The following PHTF2 variants were observed in gnomAD, a reference collection of about 807,000 sequenced individuals.
PHTF2 encodes the protein protein PHTF2.
In PHTF2, 60 loss-of-function variants were observed where a neutral mutation model predicts 101.2. That is an observed-to-expected ratio of 0.59 (90% confidence interval 0.48 to 0.73). PHTF2 has a LOEUF of 0.73. PHTF2 is among the 30% of genes least tolerant of loss of function. The pLI is 0.00. For synonymous variants in PHTF2, 311 were observed against 307.3 expected, an observed-to-expected ratio of 1.01 and a Z score of -0.13; for missense variants, 747 against 908.7, an observed-to-expected ratio of 0.82 and a Z score of 2.29.
rs374990667 is a variant in PHTF2, at chr7:77,859,421, A to G, written c.147+4587A>G. The stretch of plus-strand genomic sequence containing the variant: ...CACCAGTGAAGAACTGAGTAAGAGA[A>G]GGTCAGGATCCCAAATATTTTCTTC... On this transcript the variant is annotated intron_variant, in intron 3 of 19. Transcript: ENST00000416283. Among the ~76,000 whole-genome samples the G allele has an allele frequency of 4.6e-5, 7 of 152,300 alleles. No individual in the cohort carries two copies. In the East Asian group the frequency reaches 1.3e-3, roughly 29 times the overall value.
chr7:77,895,400 G>C (rs1800790761), intron 5 of PHTF2, among the ~76,000 whole-genome samples: 1 of 152,038 alleles, frequency 6.6e-6, no homozygotes, highest in South Asian at 2.1e-4. Flanking sequence ...AAATAGTATG[G>C]AGAGAGTATG....
intron 3 of PHTF2, among the ~76,000 whole-genome samples, chr7:77,890,250 G>A (rs1160508238): frequency 6.6e-6 from 1 of 152,042 alleles, no homozygotes. Context: ...GCTTCACTGT[G>A]GAGTTTCTTA....
intron 3 of PHTF2, among the ~76,000 whole-genome samples, chr7:77,855,262 T>G (rs1797083903): frequency 1.3e-5 from 2 of 152,232 alleles, no homozygotes; most frequent in South Asian, 4.1e-4. Flanking sequence ...AAGTGTTGTC[T>G]GAGAGCTACA....
chr7:77,929,401 G>T, intron 12 of PHTF2, 74 bp downstream of exon 11: 1 of 737,894 alleles, frequency 1.4e-6, no homozygotes, highest in Non-Finnish European at 2.3e-6. Flanking sequence ...TGTTACAGAG[G>T]TGAAGAAAAA....
exon 20 of PHTF2, chr7:77,955,613 T>A (rs974084617): frequency 3.3e-5 from 5 of 152,632 alleles, no homozygotes; most frequent in Non-Finnish European, 5.9e-5. Context: ...AATTGTTACT[T>A]TTAATGCGTA....
intron 3 of PHTF2, among the ~76,000 whole-genome samples, chr7:77,879,266 G>A (rs1476281904): frequency 6.6e-6 from 1 of 152,144 alleles, no homozygotes; most frequent in Non-Finnish European, 1.5e-5. Flanking sequence ...AGTGTTACTA[G>A]CATTGAGGGC....
At chr7:77,896,852 A>G (rs1241765858) in intron 5 of PHTF2, among the ~76,000 whole-genome samples, 1 of 152,214 alleles carries the variant, frequency 6.6e-6, no homozygotes, top group Non-Finnish European at 1.5e-5. Context: ...TTCTTTCATT[A>G]GTTGTCAAAG....
intron 1 of PHTF2, among the ~76,000 whole-genome samples, chr7:77,839,763 G>C (rs1327157277): frequency 1.3e-5 from 2 of 152,014 alleles, no homozygotes; most frequent in African/African-American, 4.8e-5. Context: ...TCAGTTTTGT[G>C]TTTACTGAGT....
At position 77,852,728 on chromosome 7, in the gene PHTF2, C is replaced by G. The variant is rs142049541; in HGVS notation, c.46-2005C>G. On this transcript the variant is annotated intron_variant, in intron 2 of 19. Coordinates refer to ENST00000416283, the Ensembl canonical transcript of PHTF2. ...TTCTTATTGCTTTTTAACCTCCTTTCAGATTGAAGAACTCCCTTTAGCATT... is the reference window on the plus strand; with the variant it reads ...TTCTTATTGCTTTTTAACCTCCTTTGAGATTGAAGAACTCCCTTTAGCATT... 9.9e-4 allele frequency among the ~76,000 whole-genome samples: 150 copies of G among 152,270 alleles called. 1 individual carries two copies. Among genetic ancestry groups the G allele is most frequent in the African/African-American group, 3.4e-3 (141 of 41,552 alleles).
rs567500610 is a variant in PHTF2, at chr7:77,893,580, C to T, written c.148-28C>T. On this transcript the variant is annotated intron_variant, in intron 3 of 19. Transcript: ENST00000416283. ...CTATTTGATGGGTACCAGCAATGACCATTTAATGTAGTGTCTTCTTTTCAT... is the reference window on the plus strand; with the variant it reads ...CTATTTGATGGGTACCAGCAATGACTATTTAATGTAGTGTCTTCTTTTCAT... The T allele has an allele frequency of 5.0e-6, 5 of 1,009,052 alleles. No individual in the cohort carries two copies. In the East Asian group the frequency reaches 9.9e-5, roughly 20 times the overall value. 62.5% of individuals were successfully genotyped at this position (1,009,052 alleles called of 1,614,324 possible).
chr7:77,934,641 T>C (rs1194753656), intron 12 of PHTF2, among the ~76,000 whole-genome samples: 4 of 152,260 alleles, frequency 2.6e-5, no homozygotes, highest in African/African-American at 9.6e-5. Flanking sequence ...TTTTAAGTTC[T>C]AAATTTTAGT....
chr7:77,909,668 A>G (rs1473019616), intron 8 of PHTF2: 1 of 152,458 alleles, frequency 6.6e-6, no homozygotes, highest in Non-Finnish European at 1.5e-5. Flanking sequence ...ACACCTGGCC[A>G]CTAAATTCTG....
At chr7:77,869,143 A>C (rs1366554762) in intron 3 of PHTF2, among the ~76,000 whole-genome samples, 3 of 152,182 alleles carry the variant, frequency 2.0e-5, no homozygotes, top group Non-Finnish European at 2.9e-5. Context: ...TCAGTTTTTA[A>C]ATTTTTAATT....
chr7:77,827,423 C>T (rs141441255), intron 1 of PHTF2, among the ~76,000 whole-genome samples: 2,044 of 152,230 alleles, frequency 0.013, 50 homozygotes, highest in African/African-American at 0.046. Context: ...GGTGCAGTCT[C>T]GGCTCATCGT....
intron 2 of PHTF2, among the ~76,000 whole-genome samples, chr7:77,851,244 C>A (rs56364559): frequency 0.21 from 32,405 of 152,040 alleles, 3,857 homozygotes; most frequent in South Asian, 0.29. Flanking sequence ...CTGGGCTTTT[C>A]TTTGCTGGGG....
At chr7:77,866,502 C>A (rs936852043) in intron 3 of PHTF2, among the ~76,000 whole-genome samples, 1 of 151,790 alleles carries the variant, frequency 6.6e-6, no homozygotes, top group Admixed American at 6.6e-5. Context: ...TAACAAGTTA[C>A]GTAAAAGAGT....
At chr7:77,902,175 AAAAC>A (rs1210667905) in intron 7 of PHTF2, among the ~76,000 whole-genome samples, 3 of 152,210 alleles carry the variant, frequency 2.0e-5, no homozygotes, top group Non-Finnish European at 2.9e-5. Context: ...AATTAGAAAA[AAAAC>A]CTCATCAAAA....
intron 9 of PHTF2, among the ~76,000 whole-genome samples, chr7:77,912,823 C>G (rs1212468101): frequency 6.9e-6 from 1 of 145,198 alleles, no homozygotes; most frequent in East Asian, 2.0e-4. Flanking sequence ...GCCTCAACCT[C>G]CCAGGCTCAG....
At chr7:77,937,736 C>A in exon 13 of PHTF2, 2 of 1,450,660 alleles carry the variant, frequency 1.4e-6, no homozygotes, top group Non-Finnish European at 1.9e-6. Context: ...TCCATAGTTC[C>A]CACCCAGGAT....
Sources: gnomAD v4.1 joint callset for allele counts (sites outside exome capture counted in the v4.1 genomes callset) on GRCh38, gnomAD v4.1.1 for gene constraint, MANE v1.5 for transcripts, NCBI Gene and HGNC (gene_info 2026-07-23, HGNC 2026-07-21) for gene names.